The following PRKN variants were observed in gnomAD, a reference collection of about 807,000 sequenced individuals.
PRKN encodes E3 ubiquitin-protein ligase parkin.
Under a neutral mutation model 59.5 loss-of-function variants are expected in PRKN, and 56 were observed. The ratio of observed to expected loss-of-function variants is 0.94; its 90% CI spans 0.76 to 1.18. The LOEUF is 1.18. Among genes scored for constraint, PRKN ranks in the 50% most tolerant of loss-of-function variants. The pLI is 0.00. For synonymous variants in PRKN, 250 were observed against 222.1 expected (o/e 1.13, Z -1.12); for missense variants, 657 against 596.4 (o/e 1.10, Z -1.06).
chr6:162,558,093 C>G (rs1343624217), intron 1 of PRKN, among the ~76,000 whole-genome samples: 2 of 152,130 alleles, frequency 1.3e-5, no homozygotes, highest in Admixed American at 6.5e-5. Context: ...TTTAAATATA[C>G]TCTTTAGATG....
chr6:162,469,502 G>C (rs529799028), intron 1 of PRKN, among the ~76,000 whole-genome samples: 1 of 144,918 alleles, frequency 6.9e-6, no homozygotes, highest in Admixed American at 6.8e-5. Context: ...ATGTGTGTGT[G>C]TGTGTATACA....
rs370358331 is a variant in PRKN at position 162,356,165 on chromosome 6, C to T, written c.171+87145G>A. On this transcript the variant is annotated intron_variant, in intron 2 of 11. Transcript: ENST00000366898. ...GTAGATTTCTGTAATTAAATATCTT[C>T]TACCCTTGGTCACTACTACTTAGCA... Among the ~76,000 whole-genome samples, 28 of 152,278 alleles carry T rather than the reference C, an allele frequency of 1.8e-4. No homozygotes were observed. The East Asian group carries it at 5.4e-3, about 29-fold the overall frequency.
rs538960910 is a variant in PRKN, at chr6:162,383,548, C to T, written c.171+59762G>A. ...TACCATCATCCAGGCTGTGTTGTTG[C>T]ATTTACAAAGCAAGGTCAGAGTAGA... On this transcript the variant is annotated intron_variant, in intron 2 of 11. Coordinates refer to ENST00000366898, the MANE Select transcript of PRKN (RefSeq NM_004562.3). Among the ~76,000 whole-genome samples, 8 of 152,222 alleles carry T rather than the reference C, an allele frequency of 5.3e-5. No homozygotes were observed. The South Asian group carries it at 1.7e-3, about 32-fold the overall frequency.
At chr6:161,913,969 G>A (rs111572766) in intron 6 of PRKN, among the ~76,000 whole-genome samples, 5 of 152,110 alleles carry the variant, frequency 3.3e-5, no homozygotes, top group African/African-American at 1.2e-4. Context: ...GTTTCCAATC[G>A]GCTGGAGCCT....
intron 1 of PRKN, among the ~76,000 whole-genome samples, chr6:162,655,044 T>C (rs188130418): frequency 2.6e-4 from 39 of 152,300 alleles, no homozygotes; most frequent in Non-Finnish European, 4.6e-4. Context: ...GTTATACCAA[T>C]GTCAATTTTA....
chr6:162,041,211 C>A (rs1784058529), intron 5 of PRKN, among the ~76,000 whole-genome samples: 1 of 151,904 alleles, frequency 6.6e-6, no homozygotes, highest in African/African-American at 2.4e-5. Flanking sequence ...AAAATGAATA[C>A]CATGGAATTG....
intron 6 of PRKN, among the ~76,000 whole-genome samples, chr6:161,841,182 A>C (rs1157064664): frequency 3.3e-5 from 5 of 152,212 alleles, no homozygotes; most frequent in Admixed American, 2.0e-4. Flanking sequence ...AAATGAATCC[A>C]GGAACAAAAG....
intron 1 of PRKN, among the ~76,000 whole-genome samples, chr6:162,687,716 T>C (rs1180266533): frequency 6.6e-6 from 1 of 152,146 alleles, no homozygotes; most frequent in Non-Finnish European, 1.5e-5. Context: ...TGTATGTAAA[T>C]TTTCCCACCT....
rs114870399 is a variant in PRKN, at chr6:162,130,357, A to G, written c.534+70774T>C. On this transcript the variant is annotated intron_variant, in intron 4 of 11. Coordinates refer to ENST00000366898, the MANE Select transcript of PRKN (RefSeq NM_004562.3). Reference sequence around the variant, plus strand: ...TCAAAAATCTCAGTGATAACCCAATAAAATCAAACCTCTTCACGGGTAACA... The same window carrying G: ...TCAAAAATCTCAGTGATAACCCAATGAAATCAAACCTCTTCACGGGTAACA... Among the ~76,000 whole-genome samples the G allele has an allele frequency of 2.7e-3, 408 of 152,260 alleles. 2 individuals are homozygous for G. Among genetic ancestry groups the G allele is most frequent in the African/African-American group, 9.1e-3 (380 of 41,550 alleles).
Position 162,351,673 on chromosome 6 carries a change from TAAAC to T in PRKN, c.172-88912_172-88909del, listed in dbSNP as rs539175451. On this transcript the variant is annotated intron_variant, in intron 2 of 11. Transcript: ENST00000366898. ...ATTTAAACCCAAATGTCAGAACAGA[TAAAC>T]AAACTGTAGTATATATTTATGCAAT... Among the ~76,000 whole-genome samples, 459 of 152,252 alleles carry T rather than the reference TAAAC, an allele frequency of 3.0e-3. 3 individuals carry two copies. The highest frequency in any genetic ancestry group is 0.011 in the African/African-American group (440 of 41,548).
chr6:162,397,285 A>G (rs1165784560), intron 2 of PRKN, among the ~76,000 whole-genome samples: 3 of 152,188 alleles, frequency 2.0e-5, no homozygotes, highest in Admixed American at 6.5e-5. Context: ...AAACTCGGGA[A>G]TATCAACAGA....
intron 4 of PRKN, among the ~76,000 whole-genome samples, chr6:162,183,735 C>T (rs886399382): frequency 9.9e-5 from 15 of 152,178 alleles, no homozygotes; most frequent in African/African-American, 3.6e-4. Context: ...AAGCTTTGGG[C>T]TCAATAGCCA....
At chr6:162,511,494 G>A (rs541289340) in intron 1 of PRKN, among the ~76,000 whole-genome samples, 1 of 152,178 alleles carries the variant, frequency 6.6e-6, no homozygotes, top group Admixed American at 6.5e-5. Context: ...ATGTGATTTA[G>A]ACATTAAATG....
chr6:162,091,777 C>T (rs1779506247), intron 4 of PRKN, among the ~76,000 whole-genome samples: 1 of 152,146 alleles, frequency 6.6e-6, no homozygotes, highest in Admixed American at 6.5e-5. Context: ...TGACTCAATC[C>T]TGTAATCCCA....
chr6:161,996,836 A>G (rs934163047), intron 5 of PRKN, among the ~76,000 whole-genome samples: 1 of 151,808 alleles, frequency 6.6e-6, no homozygotes, highest in African/African-American at 2.4e-5. Flanking sequence ...TAGGGGAAAA[A>G]CGTTTTATTT....
Position 162,136,865 on chromosome 6 carries a change from C to CAGA in PRKN, c.534+64265_534+64266insTCT, listed in dbSNP as rs568578152. Among the ~76,000 whole-genome samples, 196 of 152,208 alleles carry CAGA rather than the reference C, an allele frequency of 1.3e-3. 1 individual carries two copies. Among genetic ancestry groups the CAGA allele is most frequent in the Non-Finnish European group, 2.2e-3 (152 of 68,006 alleles). The stretch of plus-strand genomic sequence containing the variant: ...AAGGGAAATGTAGAGGAGGCCACTT[C>CAGA]ATGTAACAACACAGATAACTCCAAA... On this transcript the variant is annotated intron_variant, in intron 4 of 11. Coordinates refer to ENST00000366898, the MANE Select transcript of PRKN (RefSeq NM_004562.3).
At chr6:162,522,442 G>A (rs1778115725) in intron 1 of PRKN, among the ~76,000 whole-genome samples, 1 of 152,162 alleles carries the variant, frequency 6.6e-6, no homozygotes, top group African/African-American at 2.4e-5. Context: ...TGATTTTGAT[G>A]ACACTAGTCA....
chr6:162,619,093 A>G (rs1262027145), intron 1 of PRKN, among the ~76,000 whole-genome samples: 2 of 152,124 alleles, frequency 1.3e-5, no homozygotes, highest in Admixed American at 6.6e-5. Context: ...GACTCTTGAA[A>G]TAGTGCCTCA....
At chr6:162,719,686 A>G (rs954734803) in intron 1 of PRKN, among the ~76,000 whole-genome samples, 4 of 152,232 alleles carry the variant, frequency 2.6e-5, no homozygotes, top group Non-Finnish European at 4.4e-5. Context: ...TGTTCCGGTC[A>G]GGCCACTCCT....
Sources: gnomAD v4.1 joint callset for allele counts (sites outside exome capture counted in the v4.1 genomes callset) on GRCh38, gnomAD v4.1.1 for gene constraint, MANE v1.5 for transcripts, NCBI Gene and HGNC (gene_info 2026-07-23, HGNC 2026-07-21) for gene names.